Variants in JMJD1C observed in about 807,000 individuals in gnomAD.
JMJD1C encodes jumonji domain-containing protein 1C.
JMJD1C carries 31 observed loss-of-function variants against 245.3 expected under a neutral mutation model. The ratio of observed to expected loss-of-function variants is 0.13; its 90% CI spans 0.09 to 0.17. The LOEUF is 0.17. JMJD1C is among the 10% of genes least tolerant of loss of function. The probability of loss-of-function intolerance (pLI) is 1.00; values close to 1 mark genes in which losing one functional copy is unlikely to be tolerated. For missense variants in JMJD1C, 2,691 were observed against 3,000.2 expected (o/e 0.90, Z 2.41); for synonymous variants, 1,057 against 1,017.4 (o/e 1.04, Z -0.74).
chr10:63,255,774 T>C (rs943739918), intron 3 of JMJD1C, among the ~76,000 whole-genome samples: 2 of 152,044 alleles, frequency 1.3e-5, no homozygotes, highest in Non-Finnish European at 2.9e-5. Flanking sequence ...AAAGCTAACA[T>C]TGGAAATAAA....
At chr10:63,408,239 T>C (rs991770384) in intron 1 of JMJD1C, among the ~76,000 whole-genome samples, 5 of 151,794 alleles carry the variant, frequency 3.3e-5, no homozygotes, top group African/African-American at 1.2e-4. Flanking sequence ...CCCTCTCTAC[T>C]AAAAATACAA....
At chr10:63,422,339 G>A (rs1349187621) in intron 1 of JMJD1C, among the ~76,000 whole-genome samples, 2 of 152,134 alleles carry the variant, frequency 1.3e-5, no homozygotes, top group African/African-American at 2.4e-5. Context: ...TTGAACCCAG[G>A]AGGCGGGGTT....
intron 1 of JMJD1C, among the ~76,000 whole-genome samples, chr10:63,461,142 G>A (rs1589792481): frequency 2.6e-5 from 4 of 152,040 alleles, no homozygotes; most frequent in Admixed American, 6.6e-5. Flanking sequence ...GGGCAATTTC[G>A]TCATTTTCCT....
At chr10:63,234,051 T>C (rs1485396748) in intron 3 of JMJD1C, among the ~76,000 whole-genome samples, 8 of 152,132 alleles carry the variant, frequency 5.3e-5, no homozygotes, top group Non-Finnish European at 1.2e-4. Context: ...GCATACTCCA[T>C]AGAAACCTAG....
intron 3 of JMJD1C, among the ~76,000 whole-genome samples, chr10:63,224,892 T>A (rs113604613): frequency 1.3e-5 from 2 of 151,876 alleles, no homozygotes; most frequent in South Asian, 2.1e-4. Flanking sequence ...TGAAACCCCA[T>A]CTCTACTAAA....
chr10:63,342,130 G>A (rs531982190), intron 2 of JMJD1C, among the ~76,000 whole-genome samples: 71 of 152,314 alleles, frequency 4.7e-4, no homozygotes, highest in Non-Finnish European at 6.6e-4. Context: ...AGTAGATAAC[G>A]AAGACGACTT....
At chr10:63,317,714 T>C (rs1449133122) in intron 2 of JMJD1C, among the ~76,000 whole-genome samples, 1 of 152,310 alleles carries the variant, frequency 6.6e-6, no homozygotes. Flanking sequence ...CAATGGTGCA[T>C]ACATAAATAT....
rs563816545 is a variant in JMJD1C at position 63,276,735 on chromosome 10, A to G, written c.334-11971T>C. ...TCCTCAACCTCCCAGTGCTGGGATT[A>G]CAGACTTGAGCCATGGCACCCTACC... On this transcript the variant is annotated intron_variant, in intron 2 of 25. Coordinates refer to ENST00000399262, the MANE Select transcript of JMJD1C (RefSeq NM_032776.3). Among the ~76,000 whole-genome samples, 152 of 152,178 alleles carry G rather than the reference A, an allele frequency of 1.0e-3. 1 individual carries two copies. Among genetic ancestry groups the G allele is most frequent in the African/African-American group, 3.5e-3 (147 of 41,534 alleles).
Position 63,465,777 on chromosome 10 carries a change from G to C in JMJD1C, c.-115C>G. 10 of 1,284,706 alleles carry C rather than the reference G, an allele frequency of 7.8e-6. No homozygotes were observed. Among genetic ancestry groups the C allele is most frequent in the Non-Finnish European group, 1.1e-5 (10 of 911,128 alleles). 79.6% of individuals were successfully genotyped at this position (1,284,706 alleles called of 1,614,324 possible). A position where few individuals can be genotyped will look rare whatever the true frequency, so the allele number is the denominator to read the frequency against. ...CGGACCGGGACACAGCAGCGGACCC[G>C]AAAGAGCGCAGACTCGGGACGAACC... is the stretch of plus-strand genomic sequence containing the variant. On this transcript the variant is annotated 5_prime_UTR_variant, in exon 1 of 26. Transcript: ENST00000399262.
intron 2 of JMJD1C, among the ~76,000 whole-genome samples, chr10:63,369,046 A>C (rs1438081046): frequency 6.6e-6 from 1 of 152,150 alleles, no homozygotes. Flanking sequence ...TGGAAAATGA[A>C]TAGCCTAAGG....
chr10:63,514,278 G>A (rs575043331), intron 1 of JMJD1C, among the ~76,000 whole-genome samples: 82 of 152,230 alleles, frequency 5.4e-4, no homozygotes, highest in African/African-American at 1.8e-3. Flanking sequence ...CCCATTACCA[G>A]GTATACAACC....
At chr10:63,378,666 A>T (rs1381483473) in intron 2 of JMJD1C, among the ~76,000 whole-genome samples, 1 of 152,198 alleles carries the variant, frequency 6.6e-6, no homozygotes, top group Non-Finnish European at 1.5e-5. Flanking sequence ...ATAGTTTTTC[A>T]TATTATTGAT....
intron 2 of JMJD1C, among the ~76,000 whole-genome samples, chr10:63,289,319 A>T (rs572576988): frequency 6.3e-4 from 14 of 22,356 alleles, no homozygotes; most frequent in African/African-American, 9.1e-4. Flanking sequence ...TAAGAGAAAC[A>T]TAAACATTTT....
chr10:63,190,818 T>C, intron 17 of JMJD1C, 76 bp downstream of exon 17: 3 of 1,155,022 alleles, frequency 2.6e-6, no homozygotes, highest in South Asian at 2.5e-5. Context: ...ACTGGGTAGT[T>C]CAGAGCCAAA....
At chr10:63,490,941 C>T (rs1193584300) in intron 1 of JMJD1C, among the ~76,000 whole-genome samples, 8 of 152,312 alleles carry the variant, frequency 5.3e-5, no homozygotes, top group Middle Eastern at 3.4e-3. Context: ...CTACCATGCA[C>T]GAAGCACGCT....
chr10:63,361,091 A>G (rs1945285214), intron 2 of JMJD1C, among the ~76,000 whole-genome samples: 1 of 152,246 alleles, frequency 6.6e-6, no homozygotes. Flanking sequence ...TAAATTTTCT[A>G]ATTTTAAACT....
intron 1 of JMJD1C, among the ~76,000 whole-genome samples, chr10:63,485,178 A>T (rs1416300510): frequency 6.6e-6 from 1 of 152,110 alleles, no homozygotes; most frequent in African/African-American, 2.4e-5. Context: ...TGCCAGGCAT[A>T]TAAGTGCAGA....
intron 1 of JMJD1C, among the ~76,000 whole-genome samples, chr10:63,507,426 CG>C (rs947287455): frequency 4.0e-5 from 6 of 151,722 alleles, no homozygotes; most frequent in African/African-American, 1.2e-4. Context: ...GGGGGATCAC[CG>C]GAAGTCAGGA....
intron 1 of JMJD1C, among the ~76,000 whole-genome samples, chr10:63,393,672 A>C (rs1185235108): frequency 2.0e-5 from 3 of 152,180 alleles, no homozygotes; most frequent in Admixed American, 1.3e-4. Flanking sequence ...AAAATGTAGA[A>C]TATATACATA....
Sources: allele counts gnomAD v4.1 joint callset (sites outside exome capture counted in the v4.1 genomes callset), GRCh38; gene constraint gnomAD v4.1.1; transcripts MANE v1.5; gene names NCBI Gene and HGNC (gene_info 2026-07-23, HGNC 2026-07-21).